Variants in ARL13B observed in about 807,000 individuals in gnomAD.
ARL13B encodes ADP-ribosylation factor-like protein 13B.
A neutral mutation model predicts 56.1 loss-of-function variants in ARL13B; 36 were observed. The ratio of observed to expected loss-of-function variants is 0.64; its 90% CI spans 0.49 to 0.85. The LOEUF (loss-of-function observed/expected upper bound fraction) is 0.85. Among genes scored for constraint, ARL13B ranks in the 40% least tolerant of loss-of-function variants. The pLI, the probability that ARL13B is intolerant of heterozygous loss-of-function variation, is 0.00. For synonymous variants in ARL13B, 178 were observed against 171.1 expected (o/e 1.04, Z -0.32); for missense variants, 519 against 507.1 (o/e 1.02, Z -0.23).
chr3:94,015,240 C>T, intron 3 of ARL13B: 1 of 1,566,802 alleles, frequency 6.4e-7, no homozygotes, highest in South Asian at 1.2e-5. Context: ...CCTTTGTTCT[C>T]TGCTTTAGTT....
intron 7 of ARL13B, among the ~76,000 whole-genome samples, chr3:94,045,815 G>T (rs1189026294): frequency 6.6e-6 from 1 of 151,622 alleles, no homozygotes. Context: ...GCCAGGCGTG[G>T]TGGTGGGCGC....
intron 3 of ARL13B, among the ~76,000 whole-genome samples, chr3:94,011,413 T>G (rs995378750): frequency 1.3e-5 from 2 of 152,164 alleles, no homozygotes; most frequent in Non-Finnish European, 2.9e-5. Context: ...AAATGACAGT[T>G]TCCCTCCTTG....
intron 3 of ARL13B, 77 bp from the exon 4 acceptor site, chr3:94,035,254 A>AAT: frequency 9.9e-7 from 1 of 1,014,750 alleles, no homozygotes; most frequent in Non-Finnish European, 1.5e-6. Context: ...AAAAAAAAAA[A>AAT]GAATGTGGTC....
At chr3:94,039,374 C>G (rs1409703256) in intron 5 of ARL13B, among the ~76,000 whole-genome samples, 1 of 151,824 alleles carries the variant, frequency 6.6e-6, no homozygotes, top group Non-Finnish European at 1.5e-5. Flanking sequence ...GTGGCGGGCG[C>G]CTGTAGTCCC....
rs1191508607 is a variant in ARL13B, at chr3:94,036,552, G to C, written c.487G>C (p.Glu163Gln). 3 of 1,613,706 alleles carry C rather than the reference G, an allele frequency of 1.9e-6. No individual in the cohort carries two copies. Among genetic ancestry groups the C allele is most frequent in the Non-Finnish European group, 2.5e-6 (3 of 1,179,920 alleles). The change falls in exon 5 of 10, where the codon GAA (glutamate) becomes CAA (glutamine). Residue 163 changes from glutamate (E) to glutamine (Q), a missense_variant and splice_region_variant. Physicochemically the swap from Glu to Gln is conservative, Grantham distance 29 (BLOSUM62 2). Coordinates refer to ENST00000394222, the MANE Select transcript of ARL13B (RefSeq NM_001174150.2). ...TTAGTCAAATAAATTTCTGTTTTAG[G>C]AACCATGTTCAGCAATCTCGGGGTA... ...VNEHKCLCQI[E>Q]PCSAISGYGK...
At chr3:94,009,843 A>G (rs1329979568) in intron 3 of ARL13B, among the ~76,000 whole-genome samples, 2 of 152,140 alleles carry the variant, frequency 1.3e-5, no homozygotes, top group Non-Finnish European at 2.9e-5. Context: ...AATTTACAGT[A>G]AAGATTCTCA....
chr3:94,036,448 T>C lies in ARL13B; in HGVS notation c.487-104T>C, dbSNP rs916619930. 6 of 1,210,340 alleles carry C rather than the reference T, an allele frequency of 5.0e-6. No individual in the cohort carries two copies. The African/African-American group carries it at 9.2e-5, about 18-fold the overall frequency. 75.0% of individuals were successfully genotyped at this position (1,210,340 alleles called of 1,614,324 possible). A position where few individuals can be genotyped will look rare whatever the true frequency, so the allele number is the denominator to read the frequency against. ...TAAGCAGATGCTTCATATTATTAAC[T>C]TAAATGGCTTAATTTTGATTTGCCA... is the stretch of plus-strand genomic sequence containing the variant. On this transcript the variant is annotated intron_variant, in intron 4 of 9. Transcript: ENST00000394222.
In ARL13B at chr3:94,053,137, C is replaced by T. The variant is rs748442803; in HGVS notation, c.1211-50C>T. ...AAAAATAATGAACTGTGTCAAAAAT[C>T]TTGATGTACCATAACTGTTTTGTGC... On this transcript the variant is annotated intron_variant, in intron 9 of 9. Coordinates refer to ENST00000394222, the MANE Select transcript of ARL13B (RefSeq NM_001174150.2). 12 of 1,448,668 alleles carry T rather than the reference C, an allele frequency of 8.3e-6. No homozygotes were observed. The South Asian group carries it at 1.4e-4, about 17-fold the overall frequency. The allele number at this position is 1,448,668 out of a possible 1,614,324, so 89.7% of individuals were successfully genotyped here. A position where few individuals can be genotyped will look rare whatever the true frequency, so the allele number is the denominator to read the frequency against.
chr3:94,039,588 G>A (rs1464024781), intron 5 of ARL13B, among the ~76,000 whole-genome samples: 2 of 151,420 alleles, frequency 1.3e-5, no homozygotes, highest in Non-Finnish European at 2.9e-5. Context: ...TTAATAAGTT[G>A]ATCAGTAATA....
At chr3:94,033,012 G>T (rs1300032236) in intron 3 of ARL13B, among the ~76,000 whole-genome samples, 1 of 152,134 alleles carries the variant, frequency 6.6e-6, no homozygotes, top group Non-Finnish European at 1.5e-5. Flanking sequence ...TGTGTGTTTT[G>T]TATATACATA....
intron 7 of ARL13B, chr3:94,047,916 A>AT (rs937983897): frequency 7.4e-4 from 113 of 151,880 alleles, no homozygotes; most frequent in African/African-American, 2.7e-3. Context: ...GTGTGATTGT[A>AT]TTTTTTATTG....
intron 3 of ARL13B, among the ~76,000 whole-genome samples, chr3:94,004,493 A>T (rs1216025385): frequency 6.6e-6 from 1 of 152,164 alleles, no homozygotes; most frequent in Non-Finnish European, 1.5e-5. Flanking sequence ...ATGCATGGTA[A>T]ACAGTAGATG....
At chr3:93,995,317 A>G (rs972310031) in intron 1 of ARL13B, among the ~76,000 whole-genome samples, 6 of 152,024 alleles carry the variant, frequency 3.9e-5, no homozygotes, top group South Asian at 4.2e-4. Flanking sequence ...TAAGTTGACT[A>G]GGTGTTTTTT....
At chr3:94,037,778 A>G (rs2076793836) in intron 5 of ARL13B, among the ~76,000 whole-genome samples, 1 of 152,112 alleles carries the variant, frequency 6.6e-6, no homozygotes, top group South Asian at 2.1e-4. Flanking sequence ...AAATAAAAAC[A>G]GAAGCAACAA....
intron 9 of ARL13B, 132 bp from the exon 10 acceptor site, chr3:94,053,055 C>T: frequency 1.4e-6 from 1 of 737,032 alleles, no homozygotes; most frequent in Middle Eastern, 3.5e-4. Context: ...TTTAGAGAGG[C>T]ATGTCAAGAT....
intron 2 of ARL13B, among the ~76,000 whole-genome samples, chr3:93,997,594 A>G (rs1216966492): frequency 6.6e-6 from 1 of 152,194 alleles, no homozygotes; most frequent in Non-Finnish European, 1.5e-5. Context: ...CTTTTTCTGT[A>G]AAGAGCTGAG....
chr3:94,053,038 G>A, intron 9 of ARL13B, 149 bp from the exon 10 acceptor site: 1 of 705,782 alleles, frequency 1.4e-6, no homozygotes, highest in Non-Finnish European at 2.5e-6. Context: ...GAGAGAGAAG[G>A]AAATCTTTTA....
chr3:94,004,249 T>C (rs1440101377), intron 3 of ARL13B, among the ~76,000 whole-genome samples: 1 of 152,194 alleles, frequency 6.6e-6, no homozygotes, highest in East Asian at 1.9e-4. Context: ...TTTTAGTAAC[T>C]TGTATTTTGC....
chr3:94,041,636 C>T (rs181423858), intron 6 of ARL13B, among the ~76,000 whole-genome samples: 3 of 152,210 alleles, frequency 2.0e-5, no homozygotes, highest in Non-Finnish European at 4.4e-5. Context: ...AGAAATAGAA[C>T]ACATAGTCTT....
Sources: gnomAD v4.1 joint callset for allele counts (sites outside exome capture counted in the v4.1 genomes callset) on GRCh38, gnomAD v4.1.1 for gene constraint, MANE v1.5 for transcripts, NCBI Gene and HGNC (gene_info 2026-07-23, HGNC 2026-07-21) for gene names.